The following AFDN variants were observed in gnomAD, a reference collection of about 807,000 sequenced individuals.
The protein encoded by AFDN is afadin.
Under a neutral mutation model 216.6 loss-of-function variants are expected in AFDN, and 68 were observed. That is an observed-to-expected ratio of 0.31 (90% CI 0.26 to 0.38). The LOEUF (loss-of-function observed/expected upper bound fraction) is 0.38. AFDN is among the 10% of genes least tolerant of loss of function. AFDN has a pLI of 1.00. For missense variants in AFDN, 2,136 were observed against 2,342.0 expected (o/e 0.91, Z 1.82); for synonymous variants, 868 against 853.7 (o/e 1.02, Z -0.29).
At chr6:167,954,343 C>T (rs1796290271) in intron 30 of AFDN, 1 of 699,976 alleles carries the variant, frequency 1.4e-6, no homozygotes, top group Admixed American at 3.7e-5. Flanking sequence ...GTTGTCGAAA[C>T]ACAGATGACG....
intron 22 of AFDN, among the ~76,000 whole-genome samples, chr6:167,924,484 C>T (rs1792243461): frequency 6.6e-6 from 1 of 152,176 alleles, no homozygotes. Flanking sequence ...TGCATGAGTC[C>T]TGCAGCGGCC....
intron 9 of AFDN, 30 bp from the exon 10 acceptor site, chr6:167,896,848 A>G (rs1336504031): frequency 7.1e-7 from 1 of 1,400,110 alleles, no homozygotes; most frequent in Middle Eastern, 1.8e-4. Context: ...AGACTTTGCA[A>G]ATAGAGCTGT....
chr6:167,874,014 CTA>C (rs1368047770), intron 4 of AFDN, among the ~76,000 whole-genome samples: 1 of 152,142 alleles, frequency 6.6e-6, no homozygotes, highest in Non-Finnish European at 1.5e-5. Context: ...TAATAAGACT[CTA>C]TTAAATGCAG....
Position 167,911,449 on chromosome 6 carries a change from T to C in AFDN, c.1997T>C (p.Val666Ala). 1 of 1,614,116 alleles carries C rather than the reference T, an allele frequency of 6.2e-7. No individual in the cohort carries two copies. The highest frequency in any genetic ancestry group is 8.5e-7 in the Non-Finnish European group (1 of 1,180,008). ...GAGCGCACACATAAAGTCATTGCAG[T>C]CGTCAACAAGATGGTGAGCATGATG... ...PTERTHKVIA[V>A]VNKMVSMMEG... Residue 666 changes from valine (V) to alanine (A), a missense_variant, in exon 15 of 34, where the codon GTC (valine) becomes GCC (alanine). Physicochemically the swap from Val to Ala is moderately conservative, Grantham distance 64. Transcript: ENST00000683244.
intron 4 of AFDN, among the ~76,000 whole-genome samples, chr6:167,874,206 TGGAC>T (rs1246156200): frequency 1.3e-5 from 2 of 152,198 alleles, no homozygotes; most frequent in Non-Finnish European, 2.9e-5. Flanking sequence ...ACTGTGCCAC[TGGAC>T]TACATAGCGA....
At chr6:167,930,190 G>T (rs1328297776) in intron 23 of AFDN, among the ~76,000 whole-genome samples, 2 of 152,136 alleles carry the variant, frequency 1.3e-5, no homozygotes, top group African/African-American at 4.8e-5. Context: ...AGGTAACAGG[G>T]CAAGACCCTG....
chr6:167,940,134 C>CTGGG (rs1210299976), intron 23 of AFDN, among the ~76,000 whole-genome samples: 4 of 152,190 alleles, frequency 2.6e-5, no homozygotes, highest in Non-Finnish European at 5.9e-5. Context: ...CATGAGGCAT[C>CTGGG]TGGGACTGGG....
Position 167,965,859 on chromosome 6 carries a change from T to G in AFDN, c.5071T>G (p.Cys1691Gly), listed in dbSNP as rs754308498. The G allele has an allele frequency of 6.5e-7, 1 of 1,549,312 alleles. No homozygotes were observed. The highest frequency in any genetic ancestry group is 1.4e-5 in the African/African-American group (1 of 73,062). ...RLLEPEAPGL[C>G]RPPLPRDYEP... ...GCTGGAGCCCGAGGCGCCCGGTCTG[T>G]GCCGCCCTCCGCTTCCCCGGGACTA... The change falls in exon 32 of 34, where the codon TGC becomes GGC. Residue 1691 changes from cysteine to glycine, a missense_variant. Around this residue, in one of 8 missense-constraint regions of AFDN, gnomAD observed 981 missense variants for 966.0 expected, o/e 1.02. Coordinates refer to ENST00000683244, the MANE Select transcript of AFDN (RefSeq NM_001386888.1).
chr6:167,923,118 A>T, intron 22 of AFDN, 159 bp downstream of exon 22: 2 of 556,264 alleles, frequency 3.6e-6, no homozygotes, highest in Non-Finnish European at 6.3e-6. Context: ...CATAATTCAT[A>T]TATATGTATT....
At chr6:167,924,848 T>C (rs1243917823) in intron 22 of AFDN, 157 bp from the exon 23 acceptor site, 1 of 701,862 alleles carries the variant, frequency 1.4e-6, no homozygotes, top group East Asian at 2.7e-5. Flanking sequence ...CTGAAGAGTA[T>C]CTATATTAAT....
chr6:167,850,070 G>A (rs912311611), intron 1 of AFDN, among the ~76,000 whole-genome samples: 2 of 152,114 alleles, frequency 1.3e-5, no homozygotes, highest in Non-Finnish European at 2.9e-5. Context: ...AGGAGGTACC[G>A]GTTGGCACCA....
chr6:167,910,752 G>A (rs960591670), intron 13 of AFDN, among the ~76,000 whole-genome samples: 2 of 152,146 alleles, frequency 1.3e-5, no homozygotes, highest in African/African-American at 2.4e-5. Flanking sequence ...GTGTCACTTA[G>A]TACTTTGTTT....
intron 30 of AFDN, chr6:167,954,383 G>T: frequency 8.1e-7 from 1 of 1,236,896 alleles, no homozygotes; most frequent in Non-Finnish European, 1.1e-6. Flanking sequence ...GCCGATGGCA[G>T]ATTACAGGTC....
At chr6:167,853,454 G>GA (rs1189638676) in intron 1 of AFDN, among the ~76,000 whole-genome samples, 2 of 151,924 alleles carry the variant, frequency 1.3e-5, no homozygotes, top group South Asian at 2.1e-4. Flanking sequence ...AAATCACTCA[G>GA]AAAAAAATCT....
In AFDN at chr6:167,946,794, A is replaced by C. The variant is rs1316226241; in HGVS notation, c.3446A>C (p.Glu1149Ala). 4 of 1,613,682 alleles carry C rather than the reference A, an allele frequency of 2.5e-6. No homozygotes were observed. The highest frequency in any genetic ancestry group is 3.4e-6 in the Non-Finnish European group (4 of 1,179,908). ...AATTCAACTCAAAATGGGTCTCCTG[A>C]GAGTCCTCAGCTGCCTTGGGCAGAA... ...YNNSTQNGSP[E>A]SPQLPWAEYS... Residue 1149 changes from glutamate (E) to alanine (A), a missense_variant, in exon 27 of 34, where the codon GAG becomes GCG. Glu to Ala is a moderately radical substitution (Grantham distance 107). This residue lies in a region of AFDN where 981 missense variants were observed against 966.0 expected (regional missense o/e 1.02). Transcript: ENST00000683244.
chr6:167,828,232 C>A (rs1402549313), intron 1 of AFDN, among the ~76,000 whole-genome samples: 2 of 152,164 alleles, frequency 1.3e-5, no homozygotes, highest in African/African-American at 4.8e-5. Context: ...TTAATACTTG[C>A]TATAAAATAC....
At chr6:167,954,405 T>A (rs1436983361) in intron 30 of AFDN, 2 of 1,529,868 alleles carry the variant, frequency 1.3e-6, no homozygotes, top group Admixed American at 2.1e-5. Context: ...AAACCTAACT[T>A]TTTTTTCCAC....
intron 21 of AFDN, among the ~76,000 whole-genome samples, chr6:167,919,246 A>G (rs1229351110): frequency 1.3e-5 from 2 of 152,220 alleles, no homozygotes; most frequent in Non-Finnish European, 2.9e-5. Flanking sequence ...TTGGTATTTT[A>G]TGAGCGTAGT....
At chr6:167,921,536 A>G (rs890546351) in intron 21 of AFDN, among the ~76,000 whole-genome samples, 1 of 152,196 alleles carries the variant, frequency 6.6e-6, no homozygotes, top group African/African-American at 2.4e-5. Context: ...TGTTTCCTTC[A>G]TACAATACAG....
Sources: gnomAD v4.1 joint callset for allele counts (sites outside exome capture counted in the v4.1 genomes callset) on GRCh38, gnomAD v4.1.1 for gene constraint, gnomAD v4.1.1 regional missense constraint, MANE v1.5 for transcripts, NCBI Gene and HGNC (gene_info 2026-07-23, HGNC 2026-07-21) for gene names.